Variants in MYO1E observed in about 807,000 individuals in gnomAD.
The protein encoded by MYO1E is unconventional myosin-Ie.
In MYO1E, 68 loss-of-function variants were observed where a neutral mutation model predicts 151.1. The ratio of observed to expected loss-of-function variants is 0.45; its 90% CI spans 0.37 to 0.55. MYO1E has a LOEUF of 0.55. Ranked by LOEUF, MYO1E falls within the 20% of genes least tolerant of loss-of-function variation. The pLI, the probability that MYO1E is intolerant of heterozygous loss-of-function variation, is 0.00. For missense variants in MYO1E, 1,363 were observed against 1,389.3 expected (o/e 0.98, Z 0.30); for synonymous variants, 601 against 501.7 (o/e 1.20, Z -2.64).
chr15:59,239,388 G>T (rs575990838), intron 4 of MYO1E, among the ~76,000 whole-genome samples: 1 of 151,196 alleles, frequency 6.6e-6, no homozygotes, highest in African/African-American at 2.4e-5. Flanking sequence ...TTTTCCTTAA[G>T]TTTACACTGT....
At chr15:59,185,727 T>A (rs2140324081) in intron 18 of MYO1E, among the ~76,000 whole-genome samples, 1 of 152,236 alleles carries the variant, frequency 6.6e-6, no homozygotes, top group South Asian at 2.1e-4. Flanking sequence ...AATAAATAAA[T>A]AAAATTTAAA....
intron 13 of MYO1E, chr15:59,209,132 CA>C: frequency 2.1e-6 from 1 of 469,930 alleles, no homozygotes; most frequent in East Asian, 3.7e-5. Flanking sequence ...ATAGTCATGC[CA>C]AATTGACTTG....
intron 1 of MYO1E, among the ~76,000 whole-genome samples, chr15:59,319,424 C>T (rs530169727): frequency 7.6e-4 from 116 of 151,832 alleles, no homozygotes; most frequent in Middle Eastern, 3.4e-3. Context: ...TAAAATAATG[C>T]AATTGCCCTG....
chr15:59,158,140 C>T, intron 25 of MYO1E, 147 bp downstream of exon 25: 1 of 748,858 alleles, frequency 1.3e-6, no homozygotes, highest in Non-Finnish European at 2.3e-6. Flanking sequence ...TCAAGTAGGG[C>T]TGCTGTGTTG....
chr15:59,344,695 G>A lies in MYO1E; in HGVS notation c.3+27803C>T, dbSNP rs989724438. 7.2e-5 allele frequency among the ~76,000 whole-genome samples: 11 copies of A among 152,184 alleles called. No homozygotes were observed. In the South Asian group the frequency reaches 2.3e-3, roughly 32 times the overall value. ...GAGTACTTTATTCTACTGTGGCTAAGCTGGCACCAAAACCACCAAAGTCCT... is the reference window on the plus strand; with the variant it reads ...GAGTACTTTATTCTACTGTGGCTAAACTGGCACCAAAACCACCAAAGTCCT... On this transcript the variant is annotated intron_variant, in intron 1 of 27. Coordinates refer to ENST00000288235, the MANE Select transcript of MYO1E (RefSeq NM_004998.4).
intron 1 of MYO1E, among the ~76,000 whole-genome samples, chr15:59,282,216 G>A (rs1278107338): frequency 6.6e-6 from 1 of 152,148 alleles, no homozygotes; most frequent in African/African-American, 2.4e-5. Context: ...CTTTTAGTTT[G>A]CAGGCGAGAG....
At chr15:59,344,742 T>C (rs767978330) in intron 1 of MYO1E, among the ~76,000 whole-genome samples, 4 of 152,288 alleles carry the variant, frequency 2.6e-5, no homozygotes, top group South Asian at 2.1e-4. Flanking sequence ...CCTCCCACCT[T>C]TCCCCAAGCA....
At chr15:59,182,723 C>A (rs542258802) in intron 18 of MYO1E, among the ~76,000 whole-genome samples, 1 of 152,124 alleles carries the variant, frequency 6.6e-6, no homozygotes, top group Admixed American at 6.5e-5. Context: ...TGCGGCACAG[C>A]GTAAAGTACA....
At chr15:59,190,226 G>GTC (rs2079724866) in intron 17 of MYO1E, among the ~76,000 whole-genome samples, 2 of 152,214 alleles carry the variant, frequency 1.3e-5, no homozygotes, top group South Asian at 4.1e-4. Flanking sequence ...AAAAAGTAAG[G>GTC]TCTCTCTCTT....
intron 1 of MYO1E, among the ~76,000 whole-genome samples, chr15:59,308,273 C>T (rs1241645730): frequency 2.1e-5 from 3 of 144,204 alleles, no homozygotes; most frequent in African/African-American, 7.8e-5. Flanking sequence ...TGGTGGCTCA[C>T]ACCTGTAATC....
At position 59,147,596 on chromosome 15, in the gene MYO1E, C is replaced by CAAAAAAAAAA. The variant is rs748173480; in HGVS notation, c.3080+5984_3080+5993dup. Among the ~76,000 whole-genome samples the CAAAAAAAAAA allele has an allele frequency of 2.7e-3, 179 of 65,998 alleles. 12 individuals carry two copies. Among genetic ancestry groups the CAAAAAAAAAA allele is most frequent in the African/African-American group, 8.9e-3 (138 of 15,430 alleles). 43.3% of individuals were successfully genotyped at this position (65,998 alleles called of 152,430 possible). On this transcript the variant is annotated intron_variant, in intron 26 of 27. Transcript: ENST00000288235. ...TGGGTGACAGAGTGAGACTCTGTCT[C>CAAAAAAAAAA]AAAAAAAAAAAAAAAAAAACAATAC...
intron 5 of MYO1E, among the ~76,000 whole-genome samples, chr15:59,233,368 A>C (rs1405571652): frequency 6.6e-6 from 1 of 152,114 alleles, no homozygotes; most frequent in Admixed American, 6.5e-5. Context: ...AAACTGAGGT[A>C]AAAGAGTAGC....
intron 6 of MYO1E, among the ~76,000 whole-genome samples, chr15:59,229,420 T>C (rs141407739): frequency 5.9e-5 from 9 of 152,340 alleles, no homozygotes; most frequent in Non-Finnish European, 1.0e-4. Context: ...TGCATATGCA[T>C]GGCTCATAAT....
Position 59,296,460 on chromosome 15 carries a change from T to C in MYO1E, c.4-24011A>G, listed in dbSNP as rs74020358. Among the ~76,000 whole-genome samples the C allele has an allele frequency of 5.5e-3, 834 of 152,338 alleles. 13 individuals are homozygous for C. The highest frequency in any genetic ancestry group is 0.019 in the African/African-American group (798 of 41,578). On this transcript the variant is annotated intron_variant, in intron 1 of 27. Transcript: ENST00000288235. ...CTGTTGCTGAGAAAATTCTTGGCTC[T>C]GCATGGCAGAGCGGGGGCTCCTACC...
chr15:59,270,719 A>C (rs970685001), intron 2 of MYO1E, among the ~76,000 whole-genome samples: 1 of 151,648 alleles, frequency 6.6e-6, no homozygotes, highest in Non-Finnish European at 1.5e-5. Flanking sequence ...GCTTGCTGCA[A>C]TCTCTGCCTC....
chr15:59,367,997 T>G (rs2080924118), intron 1 of MYO1E, among the ~76,000 whole-genome samples: 1 of 152,016 alleles, frequency 6.6e-6, no homozygotes, highest in Non-Finnish European at 1.5e-5. Context: ...GTGGGGCCTG[T>G]AATCCCAGCT....
intron 26 of MYO1E, among the ~76,000 whole-genome samples, chr15:59,141,000 A>C (rs2079405608): frequency 6.6e-6 from 1 of 152,200 alleles, no homozygotes; most frequent in African/African-American, 2.4e-5. Context: ...CTGTTCAAGA[A>C]GTGCTTGCTT....
At chr15:59,243,731 A>C (rs2080113565) in intron 4 of MYO1E, among the ~76,000 whole-genome samples, 1 of 152,188 alleles carries the variant, frequency 6.6e-6, no homozygotes, top group African/African-American at 2.4e-5. Context: ...CATTTAAGCA[A>C]GCCTTCTGCC....
chr15:59,190,154 G>C (rs117466853), intron 17 of MYO1E, among the ~76,000 whole-genome samples: 2 of 152,198 alleles, frequency 1.3e-5, no homozygotes, highest in Non-Finnish European at 2.9e-5. Flanking sequence ...CCTGGGCTGC[G>C]TGCTGCGCGA....
Sources: allele counts gnomAD v4.1 joint callset (sites outside exome capture counted in the v4.1 genomes callset), GRCh38; gene constraint gnomAD v4.1.1; transcripts MANE v1.5; gene names NCBI Gene and HGNC (gene_info 2026-07-23, HGNC 2026-07-21).